Variants in CNTLN observed in about 807,000 individuals in gnomAD.
CNTLN encodes centlein.
Under a neutral mutation model 180.0 loss-of-function variants are expected in CNTLN, and 212 were observed. The ratio of observed to expected loss-of-function variants is 1.18; its 90% CI spans 1.05 to 1.32. The LOEUF is 1.32. Among genes scored for constraint, CNTLN ranks in the 40% most tolerant of loss-of-function variants. CNTLN has a pLI of 0.00. For synonymous variants in CNTLN, 722 were observed against 563.1 expected, an observed-to-expected ratio of 1.28 and a Z score of -3.99; for missense variants, 2,095 against 1,610.9, an observed-to-expected ratio of 1.30 and a Z score of -5.14.
chr9:17,167,389 C>T, intron 2 of CNTLN: 1 of 146,368 alleles, frequency 6.8e-6, no homozygotes, highest in Non-Finnish European at 1.5e-5. Flanking sequence ...ATGAGAAAAG[C>T]TGTCTATACT....
intron 12 of CNTLN, among the ~76,000 whole-genome samples, chr9:17,347,028 G>A (rs1291820965): frequency 6.6e-6 from 1 of 152,008 alleles, no homozygotes; most frequent in Non-Finnish European, 1.5e-5. Flanking sequence ...TTTAATTTTG[G>A]CTATTGTAAT....
At chr9:17,372,254 T>A (rs1387470400) in intron 13 of CNTLN, among the ~76,000 whole-genome samples, 1 of 152,066 alleles carries the variant, frequency 6.6e-6, no homozygotes, top group Admixed American at 6.5e-5. Context: ...AAATATCAGA[T>A]GTGAAAAAGT....
intron 7 of CNTLN, among the ~76,000 whole-genome samples, chr9:17,305,256 T>C (rs1212970073): frequency 6.6e-6 from 1 of 152,150 alleles, no homozygotes; most frequent in East Asian, 1.9e-4. Flanking sequence ...GGATAGTATA[T>C]TGCTTATGAA....
chr9:17,368,208 A>G (rs1400197975), intron 13 of CNTLN, among the ~76,000 whole-genome samples: 1 of 152,122 alleles, frequency 6.6e-6, no homozygotes, highest in African/African-American at 2.4e-5. Context: ...GTGGCCTGGT[A>G]GTACTCCCTG....
intron 19 of CNTLN, among the ~76,000 whole-genome samples, chr9:17,462,557 G>A (rs560874987): frequency 7.9e-5 from 12 of 151,866 alleles, no homozygotes; most frequent in African/African-American, 2.9e-4. Context: ...TAAGATGTTA[G>A]TAAATCCAGT....
chr9:17,513,711 CAAAT>C, the CNTLN span, among the ~76,000 whole-genome samples: 1 of 151,320 alleles, frequency 6.6e-6, no homozygotes, highest in Admixed American at 6.6e-5. Context: ...CTTTAAAAAA[CAAAT>C]AAATAAGAAA....
chr9:17,373,431 TC>T (rs1157629835), intron 13 of CNTLN, among the ~76,000 whole-genome samples: 3 of 152,190 alleles, frequency 2.0e-5, no homozygotes, highest in African/African-American at 7.2e-5. Flanking sequence ...TGAAGAATCT[TC>T]CTACAATAAA....
chr9:17,297,771 G>T (rs1487391230), intron 6 of CNTLN, among the ~76,000 whole-genome samples: 1 of 152,118 alleles, frequency 6.6e-6, no homozygotes, highest in Admixed American at 6.6e-5. Flanking sequence ...TGCCCTTTGG[G>T]ATTCTTTTTA....
intron 23 of CNTLN, among the ~76,000 whole-genome samples, chr9:17,468,834 CT>C (rs1831900485): frequency 6.6e-6 from 1 of 151,630 alleles, no homozygotes; most frequent in Non-Finnish European, 1.5e-5. Context: ...GGTATCTAAA[CT>C]CTAATTATTC....
At chr9:17,206,380 T>TGCG (rs1313746135) in intron 2 of CNTLN, among the ~76,000 whole-genome samples, 9 of 152,336 alleles carry the variant, frequency 5.9e-5, no homozygotes, top group African/African-American at 1.4e-4. Context: ...TTTGCTCAGC[T>TGCG]GCGTACTGTT....
At chr9:17,232,439 C>A (rs146829479) in intron 3 of CNTLN, among the ~76,000 whole-genome samples, 1 of 151,752 alleles carries the variant, frequency 6.6e-6, no homozygotes, top group Non-Finnish European at 1.5e-5. Flanking sequence ...TTAAATAATT[C>A]TCATGAAAGG....
At chr9:17,522,084 C>T in the CNTLN span, among the ~76,000 whole-genome samples, 1 of 152,124 alleles carries the variant, frequency 6.6e-6, no homozygotes, top group Non-Finnish European at 1.5e-5. Context: ...TTCTGCTATA[C>T]TTTGCTATGA....
chr9:17,258,118 G>A (rs199723522), intron 5 of CNTLN, among the ~76,000 whole-genome samples: 38 of 145,762 alleles, frequency 2.6e-4, no homozygotes, highest in African/African-American at 6.6e-4. Flanking sequence ...TAGGTCTAAC[G>A]TTTAAGTCTT....
At chr9:17,180,769 A>C (rs1260292358) in intron 2 of CNTLN, among the ~76,000 whole-genome samples, 1 of 152,024 alleles carries the variant, frequency 6.6e-6, no homozygotes, top group East Asian at 1.9e-4. Flanking sequence ...ATTTTTTAAG[A>C]ATGTCTTGAT....
At chr9:17,453,189 T>C (rs1045619784) in intron 18 of CNTLN, among the ~76,000 whole-genome samples, 9 of 152,006 alleles carry the variant, frequency 5.9e-5, no homozygotes, top group African/African-American at 2.2e-4. Flanking sequence ...GGTGCATACC[T>C]GTAGTCCCTG....
chr9:17,501,490 G>C (rs115125425), intron 25 of CNTLN, among the ~76,000 whole-genome samples: 51 of 152,300 alleles, frequency 3.3e-4, no homozygotes, highest in African/African-American at 1.2e-3. Context: ...GAGCCATTCT[G>C]ATTGGTTTAA....
chr9:17,397,229 G>T (rs1439143798), intron 15 of CNTLN, among the ~76,000 whole-genome samples: 1 of 152,162 alleles, frequency 6.6e-6, no homozygotes, highest in Non-Finnish European at 1.5e-5. Context: ...AGGGTTCTTG[G>T]ATCTCACGCA....
intron 18 of CNTLN, among the ~76,000 whole-genome samples, chr9:17,421,465 G>A (rs1828719681): frequency 6.6e-6 from 1 of 151,932 alleles, no homozygotes; most frequent in Non-Finnish European, 1.5e-5. Flanking sequence ...CATCTTTATA[G>A]GTGAAATGAG....
the CNTLN span, among the ~76,000 whole-genome samples, chr9:17,519,668 G>A: frequency 6.6e-6 from 1 of 152,120 alleles, no homozygotes; most frequent in African/African-American, 2.4e-5. Context: ...CATCACCGAT[G>A]AAAAATAAAA....
Sources: allele counts gnomAD v4.1 joint callset (sites outside exome capture counted in the v4.1 genomes callset), GRCh38; gene constraint gnomAD v4.1.1; transcripts MANE v1.5; gene names NCBI Gene and HGNC (gene_info 2026-07-23, HGNC 2026-07-21).